Variants in ZG16B observed in about 807,000 individuals in gnomAD.
The protein encoded by ZG16B is pancreatic adenocarcinoma up-regulated factor.
A neutral mutation model predicts 7.0 loss-of-function variants in ZG16B; 8 were observed. That is an observed-to-expected ratio of 1.15 (90% CI 0.68 to 2.08). ZG16B has a LOEUF of 2.08. Ranked by LOEUF, ZG16B falls within the 30% of genes most tolerant of loss-of-function variation. ZG16B has a pLI of 0.00. For missense variants in ZG16B, 232 were observed against 211.0 expected (o/e 1.10, Z -0.62); for synonymous variants, 92 against 86.1 (o/e 1.07, Z -0.38).
rs367641122 is a variant in ZG16B, at chr16:2,830,833, C to A, written c.155+37C>A. ...TATGGTCATGGGCCCAGCGCCATGT[C>A]CCCTCCCATCCCACAGTTTCAGGAA... On this transcript the variant is annotated intron_variant, in intron 3 of 3. Transcript: ENST00000382280. The A allele has an allele frequency of 7.9e-5, 126 of 1,604,316 alleles. No homozygotes were observed. The East Asian group carries it at 1.1e-3, about 14-fold the overall frequency.
Position 2,830,397 on chromosome 16 carries a change from C to A in ZG16B, c.-27-18C>A. 6.2e-7 allele frequency: 1 copy of A among 1,604,948 alleles called. No homozygotes were observed. The highest frequency in any genetic ancestry group is 8.5e-7 in the Non-Finnish European group (1 of 1,175,674). On this transcript the variant is annotated intron_variant, in intron 1 of 3. Coordinates refer to ENST00000382280, the MANE Select transcript of ZG16B (RefSeq NM_145252.3). Reference sequence around the variant, plus strand: ...TGGCCCTTGCTTTGGAGTCAGGAGGCCTCTCTTCTTCCCACAGAGCCCTGG... The same window carrying A: ...TGGCCCTTGCTTTGGAGTCAGGAGGACTCTCTTCTTCCCACAGAGCCCTGG...
At chr16:2,831,661 G>T (rs1351553873) in intron 3 of ZG16B, 135 bp from the exon 4 acceptor site, 2 of 1,316,288 alleles carry the variant, frequency 1.5e-6, no homozygotes, top group Non-Finnish European at 2.1e-6. Flanking sequence ...GGTGACCAGT[G>T]AGTCTGTGTC....
Position 2,832,236 on chromosome 16 carries a change from C to A in ZG16B, c.*77C>A. 2 of 1,531,878 alleles carry A rather than the reference C, an allele frequency of 1.3e-6. No individual in the cohort carries two copies. Among genetic ancestry groups the A allele is most frequent in the Non-Finnish European group, 1.8e-6 (2 of 1,139,334 alleles). The allele number at this position is 1,531,878 out of a possible 1,614,324, so 94.9% of individuals were successfully genotyped here. A position where few individuals can be genotyped will look rare whatever the true frequency, so the allele number is the denominator to read the frequency against. The stretch of plus-strand genomic sequence containing the variant: ...TGGTACTGGAGTAACTGAGTCGGGA[C>A]GCTGAATCTGAATCCACCAATAAAT... On this transcript the variant is annotated 3_prime_UTR_variant, in exon 4 of 4. Transcript: ENST00000382280.
rs78749614 is a variant in ZG16B, at chr16:2,830,970, C to G, written c.155+174C>G. 6 of 627,930 alleles carry G rather than the reference C, an allele frequency of 9.6e-6. 1 individual carries two copies. The Admixed American group carries it at 1.7e-4, about 18-fold the overall frequency. 38.9% of individuals were successfully genotyped at this position (627,930 alleles called of 1,614,324 possible). A position where few individuals can be genotyped will look rare whatever the true frequency, so the allele number is the denominator to read the frequency against. On this transcript the variant is annotated intron_variant, in intron 3 of 3. Coordinates refer to ENST00000382280, the MANE Select transcript of ZG16B (RefSeq NM_145252.3). ...CTGGCTGGAGCGGAGACGGTCAGAC[C>G]GTCCTCCCTACCTTCTCCCTTCAAC...
At chr16:2,830,358 C>A (rs754702782) in intron 1 of ZG16B, 30 bp downstream of exon 1, 2 of 1,609,694 alleles carry the variant, frequency 1.2e-6, no homozygotes, top group South Asian at 2.2e-5. Context: ...GGGTGGGGCC[C>A]GGCAAGGTCA....
At chr16:2,830,357 C>T (rs1332731920) in intron 1 of ZG16B, 29 bp downstream of exon 1, 1 of 1,609,908 alleles carries the variant, frequency 6.2e-7, no homozygotes, top group Non-Finnish European at 8.5e-7. Flanking sequence ...TGGGTGGGGC[C>T]CGGCAAGGTC....
intron 3 of ZG16B, 116 bp downstream of exon 3, chr16:2,830,912 C>T (rs772401407): frequency 2.9e-5 from 29 of 995,470 alleles, no homozygotes; most frequent in Non-Finnish European, 4.0e-5. Flanking sequence ...TGCCTGGCTA[C>T]TGTCGATGCT....
At chr16:2,831,645 A>G (rs1199341363) in intron 3 of ZG16B, 151 bp from the exon 4 acceptor site, 1 of 1,174,298 alleles carries the variant, frequency 8.5e-7, no homozygotes, top group Non-Finnish European at 1.2e-6. Flanking sequence ...TGGTAGAATC[A>G]GGGTTGGTGA....
Position 2,832,107 on chromosome 16 carries a change from C to A in ZG16B, c.467C>A (p.Thr156Asn), listed in dbSNP as rs1192364039. The A allele has an allele frequency of 6.2e-7, 1 of 1,614,028 alleles. No homozygotes were observed. The highest frequency in any genetic ancestry group is 1.3e-5 in the African/African-American group (1 of 74,926). The stretch of plus-strand genomic sequence containing the variant: ...AATTATCCACTAGAGGAGCCGACCA[C>A]TGAGCCACCAGTTAATCTCACATAC... The part of the protein sequence containing the change: ...EWNYPLEEPT[T>N]EPPVNLTYSA... The change falls in exon 4 of 4, where the codon ACT (threonine) becomes AAT (asparagine). Residue 156 changes from threonine to asparagine, a missense_variant. Thr to Asn is a moderately conservative substitution (Grantham distance 65). Coordinates refer to ENST00000382280, the MANE Select transcript of ZG16B (RefSeq NM_145252.3).
rs200195326 is a variant in ZG16B, at chr16:2,831,911, C to G, written c.271C>G (p.Gln91Glu). 19 of 1,614,146 alleles carry G rather than the reference C, an allele frequency of 1.2e-5. No individual in the cohort carries two copies. The highest frequency in any genetic ancestry group is 1.5e-5 in the Non-Finnish European group (18 of 1,180,024). Reference protein sequence around the residue: ...EYITKVFVAFQAFLRGMVMYT... With the variant: ...EYITKVFVAFEAFLRGMVMYT... ...CATCACAAAAGTCTTTGTCGCCTTC[C>G]AAGCTTTCCTCCGGGGTATGGTCAT... Residue 91 changes from glutamine (Q) to glutamate (E), a missense_variant, in exon 4 of 4, where the codon CAA (glutamine) becomes GAA (glutamate). Transcript: ENST00000382280.
chr16:2,831,716 A>G (rs2069257418), intron 3 of ZG16B, 80 bp from the exon 4 acceptor site: 4 of 1,528,918 alleles, frequency 2.6e-6, no homozygotes. Context: ...CATCCCGGGA[A>G]GGAGGATGGG....
At chr16:2,831,689 T>C (rs1032853829) in intron 3 of ZG16B, 107 bp from the exon 4 acceptor site, 32 of 1,476,986 alleles carry the variant, frequency 2.2e-5, no homozygotes, top group Middle Eastern at 2.5e-4. Flanking sequence ...CAAAGTCTGA[T>C]GGTGCTGGAC....
chr16:2,832,165 G>A lies in ZG16B; in HGVS notation c.*6G>A. ...ACTCACCCGTGGGTCGCTAGGGTGG[G>A]GTATGGGGCCATCCGAGCTGAGGCC... On this transcript the variant is annotated 3_prime_UTR_variant, in exon 4 of 4. Coordinates refer to ENST00000382280, the MANE Select transcript of ZG16B (RefSeq NM_145252.3). The A allele has an allele frequency of 1.2e-6, 2 of 1,607,866 alleles. No individual in the cohort carries two copies. Among genetic ancestry groups the A allele is most frequent in the Non-Finnish European group, 1.7e-6 (2 of 1,175,492 alleles).
At chr16:2,831,768 G>C in intron 3 of ZG16B, 28 bp from the exon 4 acceptor site, 2 of 1,591,656 alleles carry the variant, frequency 1.3e-6, no homozygotes, top group Non-Finnish European at 1.7e-6. Flanking sequence ...CCCAGATCTG[G>C]ACGTCCAAAG....
rs368541442 is a variant in ZG16B, at chr16:2,831,789, C to G, written c.156-7C>G. The G allele has an allele frequency of 1.8e-5, 29 of 1,607,442 alleles. No homozygotes were observed. Among genetic ancestry groups the G allele is most frequent in the Non-Finnish European group, 2.4e-5 (28 of 1,176,126 alleles). On this transcript the variant is annotated splice_polypyrimidine_tract_variant and splice_region_variant and intron_variant, in intron 3 of 3. Transcript: ENST00000382280. Reference sequence around the variant, plus strand: ...TCTGGACGTCCAAAGCTTTGCCTCTCTCCCAGTGTCCAGGTGAAACTTGGA... The same window carrying G: ...TCTGGACGTCCAAAGCTTTGCCTCTGTCCCAGTGTCCAGGTGAAACTTGGA...
At chr16:2,830,377 C>T (rs770734109) in intron 1 of ZG16B, 38 bp from the exon 2 acceptor site, 4 of 1,607,022 alleles carry the variant, frequency 2.5e-6, no homozygotes, top group Admixed American at 1.7e-5. Flanking sequence ...CACACTGGCC[C>T]TTGCTTTGGA....
chr16:2,832,222 T>C lies in ZG16B; in HGVS notation c.*63T>C, dbSNP rs2069262715. On this transcript the variant is annotated 3_prime_UTR_variant, in exon 4 of 4. Coordinates refer to ENST00000382280, the MANE Select transcript of ZG16B (RefSeq NM_145252.3). ...GTGGTGGTGGCTGATGGTACTGGAG[T>C]AACTGAGTCGGGACGCTGAATCTGA... 9 of 1,555,386 alleles carry C rather than the reference T, an allele frequency of 5.8e-6. No homozygotes were observed. Among genetic ancestry groups the C allele is most frequent in the Non-Finnish European group, 7.8e-6 (9 of 1,150,408 alleles).
At position 2,830,345 on chromosome 16, in the gene ZG16B, C is replaced by T. The variant is rs760960312; in HGVS notation, c.-28+17C>T. ...ACAGGCGAGGTAAGGTGCTTGGCTC[C>T]ATGGGTGGGGCCCGGCAAGGTCACA... On this transcript the variant is annotated intron_variant, in intron 1 of 3. Transcript: ENST00000382280. 6.8e-6 allele frequency: 11 copies of T among 1,612,096 alleles called. No homozygotes were observed. In the East Asian group the frequency reaches 1.8e-4, roughly 26 times the overall value.
At position 2,832,055 on chromosome 16, in the gene ZG16B, G is replaced by A; in HGVS notation, c.415G>A (p.Gly139Ser). 2 of 1,614,148 alleles carry A rather than the reference G, an allele frequency of 1.2e-6. No homozygotes were observed. The highest frequency in any genetic ancestry group is 1.3e-5 in the African/African-American group (1 of 75,036). Residue 139 changes from glycine to serine, a missense_variant, in exon 4 of 4, where the codon GGC becomes AGC. Coordinates refer to ENST00000382280, the MANE Select transcript of ZG16B (RefSeq NM_145252.3). The part of the protein sequence containing the change: ...VGIYGQYQLL[G>S]IKSIGFEWNY... ...CATCTATGGCCAGTATCAACTCCTT[G>A]GCATCAAGAGCATTGGCTTTGAATG...
Sources: gnomAD v4.1 joint callset for allele counts on GRCh38, gnomAD v4.1.1 for gene constraint, MANE v1.5 for transcripts, NCBI Gene and HGNC (gene_info 2026-07-23, HGNC 2026-07-21) for gene names.